The following MED23 variants were observed in gnomAD, a reference collection of about 807,000 sequenced individuals.
MED23 encodes the protein mediator complex subunit 23.
Under a neutral mutation model 163.9 loss-of-function variants are expected in MED23, and 105 were observed. The observed-to-expected ratio is 0.64, with a 90% CI of 0.55 to 0.75. The LOEUF (loss-of-function observed/expected upper bound fraction) is 0.75. Ranked by LOEUF, MED23 falls within the 30% of genes least tolerant of loss-of-function variation. MED23 has a pLI of 0.00. For synonymous variants in MED23, 561 were observed against 565.6 expected (o/e 0.99, Z 0.12); for missense variants, 1,054 against 1,649.0 (o/e 0.64, Z 6.25).
Position 131,598,273 on chromosome 6 carries a change from G to A in MED23, c.2607+14C>T. 1 of 1,604,124 alleles carries A rather than the reference G, an allele frequency of 6.2e-7. No homozygotes were observed. Among genetic ancestry groups the A allele is most frequent in the Non-Finnish European group, 8.5e-7 (1 of 1,170,900 alleles). On this transcript the variant is annotated intron_variant, in intron 20 of 28. Transcript: ENST00000368068. The surrounding 1 kb of genome is among the most constrained non-coding windows in gnomAD (Gnocchi z 4.7). ...GATCTAAGAGAATAAGCTTAGAAAT[G>A]TATTTATTCTTACCAGGCAGAGAAT...
rs1451828993 is a variant in MED23, at chr6:131,609,691, A to G, written c.1077+355T>C. Among the ~76,000 whole-genome samples, 4 of 147,486 alleles carry G rather than the reference A, an allele frequency of 2.7e-5. No homozygotes were observed. In the South Asian group the frequency reaches 8.4e-4, roughly 31 times the overall value. ...TCATGTTGTGTGTGTGTGTATGTAT[A>G]TACATACATATATATATGTACTCTA... On this transcript the variant is annotated intron_variant, in intron 11 of 28. Coordinates refer to ENST00000368068, the MANE Select transcript of MED23 (RefSeq NM_004830.4).
At chr6:131,577,428 G>A (rs1773672782) in intron 30 of MED23, among the ~76,000 whole-genome samples, 1 of 152,156 alleles carries the variant, frequency 6.6e-6, no homozygotes, top group Admixed American at 6.5e-5. Context: ...AAACATTCAA[G>A]TACAAGTCTT....
chr6:131,604,077 G>T, intron 15 of MED23, 101 bp downstream of exon 15: 1 of 1,139,832 alleles, frequency 8.8e-7, no homozygotes, highest in Non-Finnish European at 1.3e-6. Flanking sequence ...GCTCCATCAT[G>T]GTGGTGACTT....
At chr6:131,574,837 G>T (rs1412572870) in intron 30 of MED23, among the ~76,000 whole-genome samples, 1 of 152,168 alleles carries the variant, frequency 6.6e-6, no homozygotes, top group Non-Finnish European at 1.5e-5. Flanking sequence ...TTACCTTACA[G>T]TTGGGTTAAA....
intron 4 of MED23, 99 bp from the exon 5 acceptor site, chr6:131,623,561 A>G: frequency 1.1e-6 from 1 of 918,266 alleles, no homozygotes; most frequent in Non-Finnish European, 1.8e-6. Context: ...CACAAATCTC[A>G]TCTTGAATTG....
rs1363631105 is a variant in MED23 at position 131,627,338 on chromosome 6, A to AG, written c.159+57_159+58insC. 3.2e-4 allele frequency: 410 copies of AG among 1,265,944 alleles called. 1 individual carries two copies. Among genetic ancestry groups the AG allele is most frequent in the Middle Eastern group, 5.7e-4 (3 of 5,294 alleles). The allele number at this position is 1,265,944 out of a possible 1,614,324, so 78.4% of individuals were successfully genotyped here. A position where few individuals can be genotyped will look rare whatever the true frequency, so the allele number is the denominator to read the frequency against. The stretch of plus-strand genomic sequence containing the variant: ...AAAGTAAATGTTAAAAGAAAAAAAA[A>AG]AAAAAAAAGAAGAGGCCAAAAATCA... On this transcript the variant is annotated intron_variant, in intron 3 of 28. Coordinates refer to ENST00000368068, the MANE Select transcript of MED23 (RefSeq NM_004830.4).
intron 16 of MED23, 85 bp downstream of exon 16, chr6:131,602,945 T>A: frequency 7.5e-7 from 1 of 1,338,582 alleles, no homozygotes. Context: ...AAAAAAACTA[T>A]AAGGTAAAGG....
At chr6:131,597,858 G>A (rs1775184397) in intron 20 of MED23, among the ~76,000 whole-genome samples, 1 of 152,028 alleles carries the variant, frequency 6.6e-6, no homozygotes, top group South Asian at 2.1e-4. Flanking sequence ...AGCTGAAGAG[G>A]GAGGATTGCT....
At chr6:131,619,361 T>C (rs1460882120) in intron 8 of MED23, among the ~76,000 whole-genome samples, 1 of 151,960 alleles carries the variant, frequency 6.6e-6, no homozygotes, top group Admixed American at 6.5e-5. Flanking sequence ...ACTGCAAAAA[T>C]TGCCAAATCA....
rs1251633225 is a variant in MED23, at chr6:131,579,272, G to A, written c.4096-4977C>T. The A allele has an allele frequency of 9.3e-6, 15 of 1,613,912 alleles. No individual in the cohort carries two copies. The highest frequency in any genetic ancestry group is 1.3e-5 in the African/African-American group (1 of 74,902). On this transcript the variant is annotated intron_variant, in intron 30 of 30. Transcript: ENST00000354577. The stretch of plus-strand genomic sequence containing the variant: ...GAACGGAAGAATCAGCCTGGTGCTG[G>A]GCGGAGACCACAGGTCTTGTTGAAT...
At chr6:131,585,623 A>G (rs970232694), downstream of MED23, among the ~76,000 whole-genome samples, 25 of 152,214 alleles carry the variant, frequency 1.6e-4, no homozygotes, top group Non-Finnish European at 3.1e-4. Flanking sequence ...GCTGCTAACT[A>G]GTGTATTGAA....
At chr6:131,614,820 T>C (rs927603760) in intron 10 of MED23, among the ~76,000 whole-genome samples, 1 of 152,062 alleles carries the variant, frequency 6.6e-6, no homozygotes, top group African/African-American at 2.4e-5. Context: ...TTCTCTTTTT[T>C]GTGTTGTTTT....
In MED23 at chr6:131,619,916, G is replaced by A. The variant is rs1311001617; in HGVS notation, c.598-20C>T. 1.9e-6 allele frequency: 3 copies of A among 1,561,118 alleles called. No homozygotes were observed. The highest frequency in any genetic ancestry group is 1.7e-5 in the Admixed American group (1 of 59,922). On this transcript the variant is annotated intron_variant, in intron 7 of 28. Coordinates refer to ENST00000368068, the MANE Select transcript of MED23 (RefSeq NM_004830.4). ...AAGTAACTAAAGAGAGAAAGAAAGA[G>A]GGAAGTCAAATAAATACGTACAAAA...
intron 30 of MED23, among the ~76,000 whole-genome samples, chr6:131,580,304 A>G (rs948070921): frequency 6.6e-6 from 1 of 152,198 alleles, no homozygotes; most frequent in Non-Finnish European, 1.5e-5. Flanking sequence ...TGGAAATTTT[A>G]GGAATGGCAC....
At chr6:131,579,057 G>C in intron 30 of MED23, 1 of 1,589,674 alleles carries the variant, frequency 6.3e-7, no homozygotes, top group Non-Finnish European at 8.6e-7. Context: ...ATCCTACACA[G>C]ACTGATTTAT....
At chr6:131,611,101 T>C (rs1304637300) in intron 10 of MED23, among the ~76,000 whole-genome samples, 1 of 152,172 alleles carries the variant, frequency 6.6e-6, no homozygotes, top group African/African-American at 2.4e-5. Flanking sequence ...TTATATGACT[T>C]AGTAGCAGGC....
At chr6:131,610,835 A>T (rs192237421) in intron 10 of MED23, among the ~76,000 whole-genome samples, 62 of 152,298 alleles carry the variant, frequency 4.1e-4, no homozygotes, top group African/African-American at 1.4e-3. Flanking sequence ...TTCTTCCACA[A>T]GAGGAAAAAA....
chr6:131,589,365 CA>C, intron 28 of MED23, 99 bp downstream of exon 28: 1 of 1,204,028 alleles, frequency 8.3e-7, no homozygotes, highest in South Asian at 1.4e-5. Flanking sequence ...AAAAATTAGA[CA>C]AAATAAAAAT....
chr6:131,577,627 C>T (rs1773683551), intron 30 of MED23, among the ~76,000 whole-genome samples: 1 of 151,962 alleles, frequency 6.6e-6, no homozygotes, highest in South Asian at 2.1e-4. Flanking sequence ...ACTGGTCGGG[C>T]ACGGTGGCTG....
Sources: gnomAD v4.1 joint callset for allele counts (sites outside exome capture counted in the v4.1 genomes callset) on GRCh38, gnomAD v4.1.1 for gene constraint, Gnocchi (gnomAD v3.1) non-coding constraint, MANE v1.5 for transcripts, NCBI Gene and HGNC (gene_info 2026-07-23, HGNC 2026-07-21) for gene names.